Variants in TIAM2 observed in about 807,000 individuals in gnomAD.
The protein encoded by TIAM2 is TIAM Rac1 associated GEF 2, also known as rho guanine nucleotide exchange factor TIAM2.
In TIAM2, 80 loss-of-function variants were observed where a neutral mutation model predicts 152.9. The ratio of observed to expected loss-of-function variants is 0.52; its 90% CI spans 0.44 to 0.63. The LOEUF (loss-of-function observed/expected upper bound fraction) is 0.63, where lower values mean the gene tolerates loss of function less well. Ranked by LOEUF, TIAM2 falls within the 30% of genes least tolerant of loss-of-function variation. The pLI is 0.00. For synonymous variants in TIAM2, 804 were observed against 838.0 expected, an observed-to-expected ratio of 0.96 and a Z score of 0.70; for missense variants, 1,965 against 2,120.1, an observed-to-expected ratio of 0.93 and a Z score of 1.44.
rs1313655530 is a variant in TIAM2 at position 155,186,324 on chromosome 6, C to G, written c.3064+2824C>G. On this transcript the variant is annotated intron_variant, in intron 14 of 26. Transcript: ENST00000682666. The surrounding 1 kb of genome is among the most constrained non-coding windows in gnomAD (Gnocchi z 4.5). ...CCCTGGTGGAAACGGTTCTGAGGTG[C>G]AGTCTACACAGCTCTGCAGATGGGC... Among the ~76,000 whole-genome samples, 2 of 152,124 alleles carry G rather than the reference C, an allele frequency of 1.3e-5. No individual in the cohort carries two copies. The highest frequency in any genetic ancestry group is 2.9e-5 in the Non-Finnish European group (2 of 68,026).
chr6:155,084,406 A>G (rs1778134852), intron 1 of TIAM2, among the ~76,000 whole-genome samples: 1 of 152,256 alleles, frequency 6.6e-6, no homozygotes, highest in Non-Finnish European at 1.5e-5. Flanking sequence ...GAATGTCATT[A>G]ACTAAAAAAT....
chr6:155,000,487 C>T lies in TIAM2; in HGVS notation c.-209+4995C>T, dbSNP rs765105451. Among the ~76,000 whole-genome samples, 14 of 145,174 alleles carry T rather than the reference C, an allele frequency of 9.6e-5. No homozygotes were observed. In the East Asian group the frequency reaches 1.8e-3, roughly 19 times the overall value. ...CAGAGGTTGTGGTGAGCTGAGATTG[C>T]GCCATTGCACTCCAGCCTGGGCAAC... On this transcript the variant is annotated intron_variant, in intron 1 of 26. Coordinates refer to ENST00000682666, the MANE Select transcript of TIAM2 (RefSeq NM_012454.4).
intron 16 of TIAM2, among the ~76,000 whole-genome samples, chr6:155,240,998 A>G (rs1228874131): frequency 1.3e-5 from 2 of 152,216 alleles, no homozygotes; most frequent in Non-Finnish European, 2.9e-5. Context: ...GTGGGAAGGG[A>G]GTCTGTACTG....
At chr6:155,139,554 G>T (rs780113496) in intron 5 of TIAM2, among the ~76,000 whole-genome samples, 11 of 152,192 alleles carry the variant, frequency 7.2e-5, no homozygotes, top group Non-Finnish European at 1.5e-4. Context: ...AATCTGGCAG[G>T]ATTAACATTT....
chr6:155,212,777 AG>A (rs1211033318), intron 15 of TIAM2, among the ~76,000 whole-genome samples: 1 of 152,090 alleles, frequency 6.6e-6, no homozygotes, highest in Non-Finnish European at 1.5e-5. Context: ...CAGAGTGGTG[AG>A]GGGTGTGTCA....
chr6:155,095,103 C>T (rs1269870679), intron 2 of TIAM2, among the ~76,000 whole-genome samples: 1 of 152,096 alleles, frequency 6.6e-6, no homozygotes, highest in African/African-American at 2.4e-5. Flanking sequence ...GTAATTTGCA[C>T]ACGTCTGTGA....
chr6:155,205,182 TAAAAAAAAA>T (rs61272546), intron 14 of TIAM2, among the ~76,000 whole-genome samples: 713 of 40,316 alleles, frequency 0.018, 9 homozygotes, highest in African/African-American at 0.065. Flanking sequence ...TATTAATTTC[TAAAAAAAAA>T]AAAAAAAAAA....
intron 1 of TIAM2, among the ~76,000 whole-genome samples, chr6:155,026,338 A>C (rs148140545): frequency 6.6e-5 from 10 of 152,296 alleles, no homozygotes; most frequent in African/African-American, 1.9e-4. Flanking sequence ...GTTCTTTCTG[A>C]ATGCTTCCCC....
chr6:155,250,429 C>G (rs1783582821), intron 21 of TIAM2: 1 of 814,208 alleles, frequency 1.2e-6, no homozygotes, highest in East Asian at 2.7e-5. Flanking sequence ...GCTTCTCAAG[C>G]CAGCATGCAG....
intron 1 of TIAM2, among the ~76,000 whole-genome samples, chr6:155,075,515 C>T (rs146858169): frequency 8.0e-4 from 121 of 152,186 alleles, no homozygotes; most frequent in African/African-American, 2.7e-3. Context: ...CAAGATTTGA[C>T]AAAAAGAATT....
At chr6:155,036,348 T>A (rs991263888) in intron 1 of TIAM2, among the ~76,000 whole-genome samples, 11 of 151,612 alleles carry the variant, frequency 7.3e-5, no homozygotes, top group African/African-American at 2.7e-4. Context: ...GCCTGGGCAA[T>A]ATGGTAAACC....
In TIAM2 at chr6:155,129,613, C is replaced by G. The variant is rs1779389971; in HGVS notation, c.390C>G (p.Ser130=). 1 of 1,614,164 alleles carries G rather than the reference C, an allele frequency of 6.2e-7. No homozygotes were observed. The highest frequency in any genetic ancestry group is 8.5e-7 in the Non-Finnish European group (1 of 1,180,040). ...GHELADNHIT[S]RDCNGHLLNC... is the part of the protein sequence containing the mutation. Reference sequence around the variant, plus strand: ...AGCTGGCAGATAACCACATCACCTCCAGAGACTGCAACGGACACCTTCTCA... The same window carrying G: ...AGCTGGCAGATAACCACATCACCTCGAGAGACTGCAACGGACACCTTCTCA... Residue 130 remains serine (S), a synonymous_variant, in exon 4 of 27, where the codon TCC becomes TCG. Transcript: ENST00000682666. This position sits in a 1 kb window ranked among gnomAD's most constrained non-coding sequence, Gnocchi z 4.8.
intron 8 of TIAM2, among the ~76,000 whole-genome samples, chr6:155,164,896 G>A (rs1780380025): frequency 6.6e-6 from 1 of 152,138 alleles, no homozygotes; most frequent in African/African-American, 2.4e-5. Context: ...CTGGAGAAGG[G>A]GCAACAGTGG....
chr6:155,130,007 G>A lies in TIAM2; in HGVS notation c.784G>A (p.Glu262Lys), dbSNP rs182530977. The A allele has an allele frequency of 2.6e-5, 42 of 1,614,090 alleles. No individual in the cohort carries two copies. The Admixed American group carries it at 2.8e-4, about 11-fold the overall frequency. The change falls in exon 4 of 27, where the codon GAG becomes AAG. Residue 262 changes from glutamate (E) to lysine (K), a missense_variant. Transcript: ENST00000682666. The stretch of plus-strand genomic sequence containing the variant: ...TTGGGGCAATGCTGGAGAGCTGAGC[G>A]AGGCTGAGGGCTCCTTCCTGGCCCC... The part of the protein sequence containing the change: ...SPWGNAGELS[E>K]AEGSFLAPGM...
At chr6:154,997,424 C>T (rs1778235166) in intron 1 of TIAM2, among the ~76,000 whole-genome samples, 4 of 152,058 alleles carry the variant, frequency 2.6e-5, no homozygotes, top group African/African-American at 7.2e-5. Context: ...GGCTGAAATC[C>T]GATTCACACT....
rs756605037 is a variant in TIAM2 at position 155,179,118 on chromosome 6, C to T, written c.2603C>T (p.Ala868Val). The T allele has an allele frequency of 5.0e-6, 8 of 1,613,950 alleles. No homozygotes were observed. Among genetic ancestry groups the T allele is most frequent in the South Asian group, 1.1e-5 (1 of 91,028 alleles). ...VDDNVEYCIP[A>V]PYEYMQQQVY... ...GACAATGTTGAGTATTGCATCCCTGCACCATATGAATATATGCAACAACAG... is the reference window on the plus strand; with the variant it reads ...GACAATGTTGAGTATTGCATCCCTGTACCATATGAATATATGCAACAACAG... The change falls in exon 11 of 27, where the codon GCA (alanine) becomes GTA (valine). Residue 868 changes from alanine to valine, a missense_variant. Ala to Val is a moderately conservative substitution (Grantham distance 64). This residue lies in a region of TIAM2 where 1,025 missense variants were observed against 1,119.4 expected (regional missense o/e 0.92). Transcript: ENST00000682666.
At chr6:155,158,157 G>A (rs1000433398) in intron 7 of TIAM2, among the ~76,000 whole-genome samples, 3 of 152,092 alleles carry the variant, frequency 2.0e-5, no homozygotes, top group East Asian at 1.9e-4. Context: ...TGACTACTGC[G>A]ATTAAATGAC....
chr6:155,078,289 G>C (rs1255581833), intron 1 of TIAM2, among the ~76,000 whole-genome samples: 4 of 152,080 alleles, frequency 2.6e-5, no homozygotes, highest in Non-Finnish European at 5.9e-5. Flanking sequence ...CAAGTGATCT[G>C]TCCGCCTAGG....
At chr6:155,217,213 A>C (rs1781881525) in intron 15 of TIAM2, 1 of 1,089,268 alleles carries the variant, frequency 9.2e-7, no homozygotes, top group Admixed American at 2.7e-5. Flanking sequence ...AAAGACTGAT[A>C]TGCAGATGAG....
Sources: gnomAD v4.1 joint callset for allele counts (sites outside exome capture counted in the v4.1 genomes callset) on GRCh38, gnomAD v4.1.1 for gene constraint, gnomAD v4.1.1 regional missense constraint, Gnocchi (gnomAD v3.1) non-coding constraint, MANE v1.5 for transcripts, NCBI Gene and HGNC (gene_info 2026-07-23, HGNC 2026-07-21) for gene names.